Variants in MIB1 observed in about 807,000 individuals in gnomAD.
MIB1 encodes MIB E3 ubiquitin protein ligase 1, also known as E3 ubiquitin-protein ligase MIB1.
MIB1 carries 278 observed loss-of-function variants against 124.5 expected under a neutral mutation model. The observed-to-expected ratio is 2.23, with a 90% CI of 2.02 to 2.47. The LOEUF is 2.47. Ranked by LOEUF, MIB1 falls within the 30% of genes most tolerant of loss-of-function variation. The pLI is 0.00. For synonymous variants in MIB1, 446 were observed against 429.4 expected, an observed-to-expected ratio of 1.04 and a Z score of -0.48; for missense variants, 957 against 1,254.4, an observed-to-expected ratio of 0.76 and a Z score of 3.58.
At chr18:21,768,564 A>C (rs2041190206) in intron 2 of MIB1, 59 bp from the exon 3 acceptor site, 13 of 1,268,216 alleles carry the variant, frequency 1.0e-5, no homozygotes, top group Non-Finnish European at 1.1e-5. Flanking sequence ...TTGTTTTAAA[A>C]AGTAAATTAT....
chr18:21,749,159 A>G (rs2040945640), intron 1 of MIB1, among the ~76,000 whole-genome samples: 1 of 152,132 alleles, frequency 6.6e-6, no homozygotes, highest in Admixed American at 6.6e-5. Flanking sequence ...ATAATCTAAT[A>G]TGTACTTCCT....
Position 21,741,848 on chromosome 18 carries a change from CG to C in MIB1, c.229+42del. The stretch of plus-strand genomic sequence containing the variant: ...GCCACCTGGCCAGGGCTTGCGCGCG[CG>C]GGGGGAAGGGGCGAGCTGCGGTGGG... On this transcript the variant is annotated intron_variant, in intron 1 of 20. Transcript: ENST00000261537. The surrounding 1 kb of genome is among the most constrained non-coding windows in gnomAD (Gnocchi z 5.4). The C allele has an allele frequency of 6.6e-7, 1 of 1,520,136 alleles. No homozygotes were observed. The highest frequency in any genetic ancestry group is 8.9e-7 in the Non-Finnish European group (1 of 1,129,002). 94.2% of individuals were successfully genotyped at this position (1,520,136 alleles called of 1,614,324 possible). A position where few individuals can be genotyped will look rare whatever the true frequency, so the allele number is the denominator to read the frequency against.
chr18:21,840,649 ATATATATATATATATATTT>A (rs772354169), intron 13 of MIB1, among the ~76,000 whole-genome samples: 7,228 of 71,262 alleles, frequency 0.1, 294 homozygotes, highest in Middle Eastern at 0.18. Context: ...ATATATATAT[ATATATATATATATATATTT>A]TTTTTTTTTT....
chr18:21,719,781 C>T (rs554906964), intron 1 of MIB1, among the ~76,000 whole-genome samples: 5 of 151,932 alleles, frequency 3.3e-5, no homozygotes, highest in African/African-American at 1.2e-4. Context: ...TCTAAAAACT[C>T]ACTCCTATTT....
At chr18:21,846,915 G>A (rs747437341) in intron 15 of MIB1, 29 bp from the exon 16 acceptor site, 3 of 1,603,998 alleles carry the variant, frequency 1.9e-6, no homozygotes, top group Non-Finnish European at 2.6e-6. Context: ...TTCCTAGAGG[G>A]AAAATCATGA....
chr18:21,787,243 C>G (rs1376122109), intron 6 of MIB1, among the ~76,000 whole-genome samples: 2 of 152,036 alleles, frequency 1.3e-5, no homozygotes, highest in African/African-American at 4.8e-5. Context: ...GGGGGTGGAT[C>G]CCAAAAGTGG....
At chr18:21,770,003 A>C (rs527808232) in intron 3 of MIB1, among the ~76,000 whole-genome samples, 1 of 152,304 alleles carries the variant, frequency 6.6e-6, no homozygotes, top group East Asian at 1.9e-4. Flanking sequence ...CAGGAGTTTG[A>C]GACTAACCTG....
rs2041189247 is a variant in MIB1 at position 21,768,478 on chromosome 18, T to C, written c.402-145T>C. The C allele has an allele frequency of 6.1e-6, 3 of 493,366 alleles. No homozygotes were observed. In the East Asian group the frequency reaches 1.3e-4, roughly 22 times the overall value. The allele number at this position is 493,366 out of a possible 1,614,324, so 30.6% of individuals were successfully genotyped here. Reference sequence around the variant, plus strand: ...ATCACCTGTGGAATATAAAAGGTATTCCTGTATCATGCTATTATGGTAGTA... The same window carrying C: ...ATCACCTGTGGAATATAAAAGGTATCCCTGTATCATGCTATTATGGTAGTA... On this transcript the variant is annotated intron_variant, in intron 2 of 20. Coordinates refer to ENST00000261537, the MANE Select transcript of MIB1 (RefSeq NM_020774.4).
chr18:21,732,890 A>G (rs2040778650), intron 1 of MIB1, among the ~76,000 whole-genome samples: 1 of 152,172 alleles, frequency 6.6e-6, no homozygotes, highest in Non-Finnish European at 1.5e-5. Context: ...GGTTTTCTGT[A>G]CATTATTCTC....
chr18:21,748,544 C>A (rs984462726), intron 1 of MIB1, among the ~76,000 whole-genome samples: 3 of 151,700 alleles, frequency 2.0e-5, no homozygotes, highest in African/African-American at 7.3e-5. Context: ...ATCTTCCCAC[C>A]TCAGCCTTTT....
At chr18:21,710,944 A>G (rs1433063106) in intron 1 of MIB1, among the ~76,000 whole-genome samples, 2 of 149,630 alleles carry the variant, frequency 1.3e-5, no homozygotes, top group African/African-American at 4.9e-5. Flanking sequence ...CTCCTGCATC[A>G]GCCTCCCAAG....
Position 21,741,472 on chromosome 18 carries a change from G to GGGGCCCC in MIB1, c.-112_-111insGGGCCCC. 1.7e-6 allele frequency: 1 copy of GGGGCCCC among 596,790 alleles called. No individual in the cohort carries two copies. The highest frequency in any genetic ancestry group is 2.4e-6 in the Non-Finnish European group (1 of 424,966). 37.0% of individuals were successfully genotyped at this position (596,790 alleles called of 1,614,324 possible). ...ATTCTCACGTCCCCCGGGGCTCGCTGCCGCCCCCGCCGACGCCTAGAGTCC... is the reference window on the plus strand; with the variant it reads ...ATTCTCACGTCCCCCGGGGCTCGCTGGGGCCCCCCGCCCCCGCCGACGCCTAGAGTCC... On this transcript the variant is annotated 5_prime_UTR_variant, in exon 1 of 21. Transcript: ENST00000261537. The surrounding 1 kb of genome is among the most constrained non-coding windows in gnomAD (Gnocchi z 5.4).
intron 13 of MIB1, among the ~76,000 whole-genome samples, chr18:21,841,448 A>G (rs1417409985): frequency 1.6e-4 from 24 of 152,228 alleles, no homozygotes; most frequent in Admixed American, 1.6e-3. Context: ...TTACTAAAGG[A>G]GATATACAGT....
Position 21,741,093 on chromosome 18 carries a change from C to T in MIB1, c.-491C>T, listed in dbSNP as rs984058986. Among the ~76,000 whole-genome samples the T allele has an allele frequency of 2.6e-5, 4 of 152,038 alleles. No homozygotes were observed. Among genetic ancestry groups the T allele is most frequent in the African/African-American group, 9.7e-5 (4 of 41,414 alleles). ...CCACCGCTGCCCACGGGGGAGGAGGCGGCGCCGGCGCTTGGGTGCCCGCCC... is the reference window on the plus strand; with the variant it reads ...CCACCGCTGCCCACGGGGGAGGAGGTGGCGCCGGCGCTTGGGTGCCCGCCC... On this transcript the variant is annotated 5_prime_UTR_variant, in exon 1 of 21. Coordinates refer to ENST00000261537, the MANE Select transcript of MIB1 (RefSeq NM_020774.4). This position sits in a 1 kb window ranked among gnomAD's most constrained non-coding sequence, Gnocchi z 5.4.
chr18:21,769,153 T>G (rs2041197824), intron 3 of MIB1, among the ~76,000 whole-genome samples: 1 of 152,236 alleles, frequency 6.6e-6, no homozygotes, highest in South Asian at 2.1e-4. Flanking sequence ...TGGGCAATTA[T>G]GCTGTTATCG....
In MIB1 at chr18:21,799,866, A is replaced by T; in HGVS notation, c.1263A>T (p.Lys421Asn). The T allele has an allele frequency of 1.2e-6, 2 of 1,611,210 alleles. No homozygotes were observed. The highest frequency in any genetic ancestry group is 1.7e-6 in the Non-Finnish European group (2 of 1,178,062). The change falls in exon 9 of 21, where the codon AAA becomes AAT. Residue 421 changes from lysine to asparagine, a missense_variant. By Grantham distance (94) the Lys-to-Asn change is moderately conservative (BLOSUM62 0). Coordinates refer to ENST00000261537, the MANE Select transcript of MIB1 (RefSeq NM_020774.4). ...SGERLSQLLK[K>N]LFETQESGDL... ...AAAGACTCTCACAACTCCTGAAGAA[A>T]TTATTTGAAACCCAAGAATCTGGTG...
intron 15 of MIB1, 25 bp downstream of exon 15, chr18:21,844,278 A>G (rs1397651543): frequency 1.9e-6 from 3 of 1,609,958 alleles, no homozygotes; most frequent in East Asian, 2.2e-5. Context: ...TCTTTCATTC[A>G]GTACCAGTGG....
At chr18:21,751,511 C>G (rs1049919548) in intron 1 of MIB1, among the ~76,000 whole-genome samples, 37 of 152,210 alleles carry the variant, frequency 2.4e-4, no homozygotes, top group African/African-American at 8.7e-4. Context: ...GATCATCCAC[C>G]TCTGCCTCCC....
chr18:21,751,208 A>AG, intron 1 of MIB1, among the ~76,000 whole-genome samples: 1 of 152,146 alleles, frequency 6.6e-6, no homozygotes, highest in East Asian at 1.9e-4. Flanking sequence ...TCTCAAACAG[A>AG]GGGGAAAAAA....
Sources: gnomAD v4.1 joint callset for allele counts (sites outside exome capture counted in the v4.1 genomes callset) on GRCh38, gnomAD v4.1.1 for gene constraint, Gnocchi (gnomAD v3.1) non-coding constraint, MANE v1.5 for transcripts, NCBI Gene and HGNC (gene_info 2026-07-23, HGNC 2026-07-21) for gene names.